The following CACNA2D1 variants were observed in gnomAD, a reference collection of about 807,000 sequenced individuals.
CACNA2D1 encodes the protein voltage-dependent calcium channel subunit alpha-2/delta-1.
In CACNA2D1, 53 loss-of-function variants were observed where a neutral mutation model predicts 171.5. That is an observed-to-expected ratio of 0.31 (90% CI 0.25 to 0.39). The LOEUF (loss-of-function observed/expected upper bound fraction) is 0.39, where lower values mean the gene tolerates loss of function less well. Among genes scored for constraint, CACNA2D1 ranks in the 10% least tolerant of loss-of-function variants. The probability of loss-of-function intolerance (pLI) is 1.00; values close to 1 mark genes in which losing one functional copy is unlikely to be tolerated. For synonymous variants in CACNA2D1, 442 were observed against 443.1 expected (o/e 1.00, Z 0.03); for missense variants, 903 against 1,299.8 (o/e 0.69, Z 4.69).
chr7:82,103,769 G>C (rs1225866639), intron 6 of CACNA2D1, among the ~76,000 whole-genome samples: 2 of 152,010 alleles, frequency 1.3e-5, no homozygotes, highest in Admixed American at 6.5e-5. Context: ...AATGCTCTAT[G>C]AGTAAAATAT....
intron 16 of CACNA2D1, among the ~76,000 whole-genome samples, chr7:82,007,173 T>C (rs981436556): frequency 5.3e-5 from 8 of 152,054 alleles, no homozygotes; most frequent in Non-Finnish European, 1.2e-4. Context: ...TTATTCTTCC[T>C]GTATCCTAAA....
chr7:82,039,013 A>G (rs1242985395), intron 10 of CACNA2D1, among the ~76,000 whole-genome samples: 1 of 152,224 alleles, frequency 6.6e-6, no homozygotes, highest in Non-Finnish European at 1.5e-5. Flanking sequence ...CTGCAACAAA[A>G]TCCAGGATAA....
chr7:82,291,604 AT>A (rs1317761803), intron 3 of CACNA2D1, among the ~76,000 whole-genome samples: 6 of 143,478 alleles, frequency 4.2e-5, no homozygotes, highest in Non-Finnish European at 9.0e-5. Context: ...TATATAAAAA[AT>A]ATATATAAAA....
intron 2 of CACNA2D1, among the ~76,000 whole-genome samples, chr7:82,341,839 A>C (rs1009802464): frequency 1.5e-4 from 23 of 151,868 alleles, no homozygotes; most frequent in African/African-American, 5.3e-4. Context: ...CGAGGTCAGG[A>C]GATCCAGACC....
At chr7:82,363,900 C>T (rs1421982949) in intron 1 of CACNA2D1, among the ~76,000 whole-genome samples, 1 of 152,010 alleles carries the variant, frequency 6.6e-6, no homozygotes, top group African/African-American at 2.4e-5. Context: ...AAGCTGAAGC[C>T]AAGAACCAAA....
intron 1 of CACNA2D1, among the ~76,000 whole-genome samples, chr7:82,432,059 T>G (rs1174508731): frequency 1.5e-5 from 1 of 65,594 alleles, no homozygotes; most frequent in South Asian, 4.8e-4. Flanking sequence ...AAAAAAAAAA[T>G]TGGAGAGTAC....
chr7:82,212,360 T>C (rs1800646547), intron 3 of CACNA2D1, among the ~76,000 whole-genome samples: 1 of 152,220 alleles, frequency 6.6e-6, no homozygotes, highest in Non-Finnish European at 1.5e-5. Flanking sequence ...AAATGATTCA[T>C]TGTTTATCTG....
intron 20 of CACNA2D1, among the ~76,000 whole-genome samples, chr7:81,992,132 C>T (rs1355938863): frequency 3.3e-5 from 5 of 151,588 alleles, no homozygotes; most frequent in South Asian, 2.1e-4. Flanking sequence ...AGTGAGCCAC[C>T]GCTCTCAGCC....
intron 7 of CACNA2D1, among the ~76,000 whole-genome samples, chr7:82,077,808 C>G (rs1451288328): frequency 6.7e-6 from 1 of 149,460 alleles, no homozygotes; most frequent in Non-Finnish European, 1.5e-5. Context: ...AAAAGCAGTA[C>G]TTCTATAAAT....
intron 3 of CACNA2D1, among the ~76,000 whole-genome samples, chr7:82,227,807 C>T (rs1388768499): frequency 6.6e-6 from 1 of 152,110 alleles, no homozygotes; most frequent in Admixed American, 6.6e-5. Flanking sequence ...GTATCCAATA[C>T]TCAAACACAT....
chr7:82,040,590 A>G lies in CACNA2D1; in HGVS notation c.880-2355T>C, dbSNP rs79116315. The stretch of plus-strand genomic sequence containing the variant: ...AAGAGCAAGTTTCCATGGAAACAGG[A>G]GAGAAATCAGGAGATTGGACTGTTT... On this transcript the variant is annotated intron_variant, in intron 10 of 38. Transcript: ENST00000356860. Among the ~76,000 whole-genome samples, 6 of 152,220 alleles carry G rather than the reference A, an allele frequency of 3.9e-5. No individual in the cohort carries two copies. In the East Asian group the frequency reaches 9.7e-4, roughly 25 times the overall value.
intron 5 of CACNA2D1, among the ~76,000 whole-genome samples, chr7:82,125,361 C>CTT (rs1212388267): frequency 1.3e-5 from 2 of 152,126 alleles, no homozygotes; most frequent in African/African-American, 2.4e-5. Context: ...AAGAAAATAG[C>CTT]ACAGTTTGCT....
At chr7:82,271,005 T>C (rs1808551102) in intron 3 of CACNA2D1, among the ~76,000 whole-genome samples, 1 of 152,110 alleles carries the variant, frequency 6.6e-6, no homozygotes, top group African/African-American at 2.4e-5. Context: ...AGTGTCATAA[T>C]TCCCATGAGA....
chr7:82,105,394 T>G (rs1787619527), intron 6 of CACNA2D1, among the ~76,000 whole-genome samples: 1 of 132,738 alleles, frequency 7.5e-6, no homozygotes. Flanking sequence ...AAACCAGTTT[T>G]TGTCTTTTTT....
intron 28 of CACNA2D1, among the ~76,000 whole-genome samples, chr7:81,969,672 GGAA>G (rs1238500555): frequency 2.0e-5 from 3 of 150,930 alleles, no homozygotes; most frequent in African/African-American, 7.3e-5. Context: ...CTAAATTACT[GGAA>G]GACTGTTTGC....
At chr7:82,160,417 A>G (rs1162974029) in intron 4 of CACNA2D1, among the ~76,000 whole-genome samples, 1 of 152,124 alleles carries the variant, frequency 6.6e-6, no homozygotes, top group Non-Finnish European at 1.5e-5. Context: ...AATTTAATCC[A>G]TCAAAATATA....
At chr7:82,186,568 C>T (rs2129179732) in intron 3 of CACNA2D1, among the ~76,000 whole-genome samples, 1 of 152,222 alleles carries the variant, frequency 6.6e-6, no homozygotes, top group East Asian at 1.9e-4. Context: ...CACCCCAGAC[C>T]TGACAGAGGT....
intron 1 of CACNA2D1, among the ~76,000 whole-genome samples, chr7:82,368,135 C>T (rs763645268): frequency 6.6e-6 from 1 of 152,182 alleles, no homozygotes; most frequent in Non-Finnish European, 1.5e-5. Flanking sequence ...ACTGCCACCA[C>T]TGCCAGTTTG....
At position 82,150,317 on chromosome 7, in the gene CACNA2D1, T is replaced by C. The variant is rs1793716738; in HGVS notation, c.355-13641A>G. On this transcript the variant is annotated intron_variant, in intron 4 of 38. Coordinates refer to ENST00000356860, the MANE Select transcript of CACNA2D1 (RefSeq NM_000722.4). The stretch of plus-strand genomic sequence containing the variant: ...CACCCTAGTAGCTGGGTTCATCTAC[T>C]TTTTTTTTCCCCCCAGTAAGCCATT... Among the ~76,000 whole-genome samples the C allele has an allele frequency of 5.9e-5, 7 of 117,796 alleles. No individual in the cohort carries two copies. The South Asian group carries it at 1.9e-3, about 32-fold the overall frequency. 77.3% of individuals were successfully genotyped at this position (117,796 alleles called of 152,430 possible).
Sources: allele counts gnomAD v4.1 joint callset (sites outside exome capture counted in the v4.1 genomes callset), GRCh38; gene constraint gnomAD v4.1.1; transcripts MANE v1.5; gene names NCBI Gene and HGNC (gene_info 2026-07-23, HGNC 2026-07-21).